Variants in IL1RAPL1 observed in about 807,000 individuals in gnomAD.
IL1RAPL1 encodes the protein interleukin 1 receptor accessory protein like 1, also known as interleukin-1 receptor accessory protein-like 1.
IL1RAPL1 carries 3 observed loss-of-function variants against 48.4 expected under a neutral mutation model. That is an observed-to-expected ratio of 0.06 (90% confidence interval 0.03 to 0.16). The LOEUF (loss-of-function observed/expected upper bound fraction) is 0.16. Ranked by LOEUF, IL1RAPL1 falls within the 10% of genes least tolerant of loss-of-function variation. The probability of loss-of-function intolerance (pLI) is 1.00; values close to 1 mark genes in which losing one functional copy is unlikely to be tolerated. For synonymous variants in IL1RAPL1, 185 were observed against 187.7 expected, an observed-to-expected ratio of 0.99 and a Z score of 0.12; for missense variants, 349 against 530.6, an observed-to-expected ratio of 0.66 and a Z score of 3.36.
intron 1 of IL1RAPL1, among the ~76,000 whole-genome samples, chrX:28,653,044 A>G (rs1215090118): frequency 2.7e-5 from 3 of 112,319 alleles, no homozygotes; most frequent in Non-Finnish European, 5.6e-5. Flanking sequence ...TGCGAACCTC[A>G]TTAATCCTGT....
chrX:29,228,480 G>A (rs1467392102), intron 2 of IL1RAPL1, among the ~76,000 whole-genome samples: 6 of 106,141 alleles, frequency 5.7e-5, no homozygotes, highest in Admixed American at 3.1e-4. Context: ...TCAGCCTCCC[G>A]AGTAGCTGGG....
In IL1RAPL1 at chrX:29,837,296, T is replaced by C. The variant is rs1172998179; in HGVS notation, c.779-80168T>C. 2.1e-3 allele frequency among the ~76,000 whole-genome samples: 158 copies of C among 74,545 alleles called. 1 individual carries two copies. The highest frequency in any genetic ancestry group is 0.01 in the African/African-American group (153 of 14,843). 64.7% of individuals were successfully genotyped at this position (74,545 alleles called of 115,157 possible). ...AAATATATATATATATATATATATA[T>C]ATATACACACACACACACACACACA... On this transcript the variant is annotated intron_variant, in intron 6 of 10. Coordinates refer to ENST00000378993, the MANE Select transcript of IL1RAPL1 (RefSeq NM_014271.4).
intron 6 of IL1RAPL1, among the ~76,000 whole-genome samples, chrX:29,762,816 A>G: frequency 9.0e-6 from 1 of 111,431 alleles, no homozygotes. Flanking sequence ...GTCAATTTCT[A>G]TCCTGTCGTT....
At chrX:28,751,822 G>A (rs766192381) in intron 1 of IL1RAPL1, among the ~76,000 whole-genome samples, 8 of 112,065 alleles carry the variant, frequency 7.1e-5, no homozygotes, top group African/African-American at 1.6e-4. Flanking sequence ...TTTGAGTCCA[G>A]CTGCAAATGT....
At chrX:28,972,801 C>T (rs1196876488) in intron 2 of IL1RAPL1, among the ~76,000 whole-genome samples, 2 of 111,174 alleles carry the variant, frequency 1.8e-5, no homozygotes, top group Admixed American at 9.5e-5. Context: ...CTGCAGAGTT[C>T]GGGCATTTTC....
chrX:29,238,690 C>A (rs1167145353), intron 2 of IL1RAPL1, among the ~76,000 whole-genome samples: 1 of 112,002 alleles, frequency 8.9e-6, no homozygotes, highest in Non-Finnish European at 1.9e-5. Context: ...ATTTGGTCAT[C>A]CATTATGTTT....
intron 2 of IL1RAPL1, among the ~76,000 whole-genome samples, chrX:28,812,241 G>A (rs186454932): frequency 1.6e-3 from 171 of 110,302 alleles, no homozygotes; most frequent in Non-Finnish European, 2.2e-3. Flanking sequence ...TTTTTTTCAG[G>A]CAAGCACCCA....
chrX:29,405,405 C>T (rs1602218799), intron 5 of IL1RAPL1, among the ~76,000 whole-genome samples: 1 of 96,997 alleles, frequency 1.0e-5, no homozygotes, highest in Non-Finnish European at 2.0e-5. Context: ...CTCGCTCTGT[C>T]GCCCAGGCTG....
intron 6 of IL1RAPL1, among the ~76,000 whole-genome samples, chrX:29,824,089 C>A (rs1178769079): frequency 9.0e-6 from 1 of 111,132 alleles, no homozygotes; most frequent in Non-Finnish European, 1.9e-5. Flanking sequence ...TGTTCCTAGC[C>A]CTACAGTCCC....
intron 5 of IL1RAPL1, among the ~76,000 whole-genome samples, chrX:29,449,526 A>C (rs1934650630): frequency 9.0e-6 from 1 of 110,779 alleles, no homozygotes; most frequent in Non-Finnish European, 1.9e-5. Flanking sequence ...TATTTTCATC[A>C]TACCCACTTG....
chrX:28,840,620 G>T (rs1921345013), intron 2 of IL1RAPL1, among the ~76,000 whole-genome samples: 1 of 110,004 alleles, frequency 9.1e-6, no homozygotes, highest in African/African-American at 3.3e-5. Context: ...TATTTTTTGT[G>T]GATAAAAGTA....
At chrX:29,875,496 G>A (rs1424020049) in intron 6 of IL1RAPL1, among the ~76,000 whole-genome samples, 3 of 111,315 alleles carry the variant, frequency 2.7e-5, no homozygotes, top group Non-Finnish European at 3.8e-5. Context: ...TCCTGAGCCC[G>A]CTACAGATTT....
intron 6 of IL1RAPL1, among the ~76,000 whole-genome samples, chrX:29,907,688 G>A (rs1164894432): frequency 1.8e-5 from 2 of 111,568 alleles, no homozygotes; most frequent in African/African-American, 6.5e-5. Flanking sequence ...ACAACGTAAT[G>A]TCCAGATCTA....
intron 5 of IL1RAPL1, among the ~76,000 whole-genome samples, chrX:29,594,406 C>G (rs1360140479): frequency 9.0e-6 from 1 of 111,203 alleles, no homozygotes; most frequent in Non-Finnish European, 1.9e-5. Context: ...ATTATAAAGT[C>G]TCTCAAATTA....
At chrX:29,618,998 C>T (rs1050337139) in intron 5 of IL1RAPL1, among the ~76,000 whole-genome samples, 2 of 111,858 alleles carry the variant, frequency 1.8e-5, no homozygotes, top group African/African-American at 6.5e-5. Flanking sequence ...CCACAGTAAA[C>T]AGTATCATTT....
chrX:29,883,343 A>G (rs971749270), intron 6 of IL1RAPL1, among the ~76,000 whole-genome samples: 1 of 111,264 alleles, frequency 9.0e-6, no homozygotes, highest in Non-Finnish European at 1.9e-5. Flanking sequence ...TTTTCAGCCT[A>G]AATGCTGCTT....
chrX:29,815,765 G>T (rs1308479899), intron 6 of IL1RAPL1, among the ~76,000 whole-genome samples: 3 of 111,083 alleles, frequency 2.7e-5, no homozygotes, highest in Non-Finnish European at 5.7e-5. Flanking sequence ...TGCCTAGTTT[G>T]TTGAGGCTTT....
Position 29,694,279 on chromosome X carries a change from T to C in IL1RAPL1, c.778+25775T>C, listed in dbSNP as rs972863258. On this transcript the variant is annotated intron_variant, in intron 6 of 10. Coordinates refer to ENST00000378993, the MANE Select transcript of IL1RAPL1 (RefSeq NM_014271.4). ...TCCTCTTCACTTTCTCCTCCATTTA[T>C]AAGGATGTAATTTCAGCTTGCAAAT... Among the ~76,000 whole-genome samples the C allele has an allele frequency of 2.7e-5, 3 of 111,896 alleles. No homozygotes were observed. The Admixed American group carries it at 2.9e-4, about 11-fold the overall frequency.
intron 5 of IL1RAPL1, among the ~76,000 whole-genome samples, chrX:29,472,827 C>T (rs753429832): frequency 8.1e-5 from 9 of 111,726 alleles, no homozygotes; most frequent in African/African-American, 2.9e-4. Context: ...TCATGCCTGG[C>T]GTGAACTAAA....
Sources: gnomAD v4.1 joint callset for allele counts (sites outside exome capture counted in the v4.1 genomes callset) on GRCh38, gnomAD v4.1.1 for gene constraint, MANE v1.5 for transcripts, NCBI Gene and HGNC (gene_info 2026-07-23, HGNC 2026-07-21) for gene names.